Variants in PKHD1 observed in about 807,000 individuals in gnomAD.
The protein encoded by PKHD1 is PKHD1 ciliary IPT domain containing fibrocystin/polyductin.
Under a neutral mutation model 412.0 loss-of-function variants are expected in PKHD1, and 291 were observed. That is an observed-to-expected ratio of 0.71 (90% confidence interval 0.64 to 0.78). The LOEUF (loss-of-function observed/expected upper bound fraction) is 0.78. PKHD1 is among the 30% of genes least tolerant of loss of function. The probability of loss-of-function intolerance (pLI) is 0.00; values close to 1 mark genes in which losing one functional copy is unlikely to be tolerated. For synonymous variants in PKHD1, 1,777 were observed against 1,821.5 expected, an observed-to-expected ratio of 0.98 and a Z score of 0.62; for missense variants, 4,825 against 4,950.7, an observed-to-expected ratio of 0.97 and a Z score of 0.76.
intron 5 of PKHD1, among the ~76,000 whole-genome samples, chr6:52,077,000 G>A (rs1356484312): frequency 1.3e-5 from 2 of 152,188 alleles, no homozygotes; most frequent in African/African-American, 4.8e-5. Flanking sequence ...GAGAAAGCCT[G>A]GCGGTAGCAT....
chr6:51,877,011 CAAAG>C (rs1189723968), intron 46 of PKHD1, among the ~76,000 whole-genome samples: 1 of 35,498 alleles, frequency 2.8e-5, no homozygotes, highest in Non-Finnish European at 4.3e-5. Context: ...TCAAAAGAGA[CAAAG>C]AAGGCCATTA....
rs1790176674 is a variant in PKHD1 at position 51,771,739 on chromosome 6, AAGTTT to A, written c.8642+958_8642+962del. 2.0e-5 allele frequency among the ~76,000 whole-genome samples: 3 copies of A among 152,176 alleles called. No individual in the cohort carries two copies. The South Asian group carries it at 6.2e-4, about 32-fold the overall frequency. On this transcript the variant is annotated intron_variant, in intron 55 of 66. Transcript: ENST00000371117. ...AATTTTATTTCTGTTCCCAAATTTT[AAGTTT>A]AGTTTAATCTCTTTATTTGAACACT...
At chr6:52,073,632 C>T in intron 6 of PKHD1, 91 bp from the exon 7 acceptor site, 1 of 793,584 alleles carries the variant, frequency 1.3e-6, no homozygotes, top group Non-Finnish European at 2.2e-6. Flanking sequence ...TGTATATACT[C>T]AATATGGCAA....
chr6:51,767,041 G>T (rs1407183889), intron 55 of PKHD1, among the ~76,000 whole-genome samples: 1 of 151,904 alleles, frequency 6.6e-6, no homozygotes, highest in African/African-American at 2.4e-5. Flanking sequence ...AAAACATAAA[G>T]TGGGAATCTA....
chr6:51,970,076 T>G (rs1793439204), intron 35 of PKHD1, among the ~76,000 whole-genome samples: 1 of 152,210 alleles, frequency 6.6e-6, no homozygotes, highest in African/African-American at 2.4e-5. Flanking sequence ...ATGCTCCCCT[T>G]TCTCAGCATC....
intron 60 of PKHD1, among the ~76,000 whole-genome samples, chr6:51,671,585 T>G (rs974899958): frequency 1.3e-5 from 2 of 152,226 alleles, no homozygotes; most frequent in South Asian, 4.1e-4. Context: ...GTTCCATTGC[T>G]GGTGAGGAAC....
intron 49 of PKHD1, among the ~76,000 whole-genome samples, chr6:51,855,526 A>G (rs548311860): frequency 6.6e-6 from 1 of 152,234 alleles, no homozygotes; most frequent in South Asian, 2.1e-4. Context: ...CTCTGGCTAC[A>G]AACACTTCTC....
At chr6:51,661,648 T>TA (rs146614405) in intron 60 of PKHD1, among the ~76,000 whole-genome samples, 6,256 of 152,218 alleles carry the variant, frequency 0.041, 450 homozygotes, top group African/African-American at 0.14. Context: ...GGAACAGCGT[T>TA]ATTCATTATT....
chr6:51,703,118 C>T (rs965823675), intron 60 of PKHD1, among the ~76,000 whole-genome samples: 1 of 151,890 alleles, frequency 6.6e-6, no homozygotes, highest in African/African-American at 2.4e-5. Flanking sequence ...GAAAGTGCTA[C>T]ATAAACAAAG....
intron 52 of PKHD1, among the ~76,000 whole-genome samples, chr6:51,814,855 C>T (rs1239366437): frequency 1.3e-5 from 2 of 152,140 alleles, no homozygotes; most frequent in Non-Finnish European, 1.5e-5. Context: ...AGGAACGAAC[C>T]CACCCCCTCC....
chr6:51,797,495 C>T (rs2397066), intron 52 of PKHD1, among the ~76,000 whole-genome samples: 89,788 of 151,900 alleles, frequency 0.59, 27,195 homozygotes, highest in East Asian at 0.83. Context: ...GTATTGGGTG[C>T]ATATATATTT....
At chr6:51,932,544 A>C (rs1004625990) in intron 37 of PKHD1, among the ~76,000 whole-genome samples, 2 of 152,210 alleles carry the variant, frequency 1.3e-5, no homozygotes, top group Admixed American at 6.5e-5. Context: ...AAAAAGCAAC[A>C]TATTGGGTTA....
rs1169783463 is a variant in PKHD1, at chr6:52,024,746, T to G, written c.5064A>C (p.Gly1688=). ...SGAANIDIFI[G]MSPCVGVSGN... ...CAGAGACACCCACACAGGGTGACAT[T>G]CCTATAAAAATGTCAATGTTTGCAG... The change falls in exon 32 of 67, where the codon GGA becomes GGC. Residue 1688 remains glycine (G), a synonymous_variant. Transcript: ENST00000371117. The G allele has an allele frequency of 1.2e-6, 2 of 1,614,108 alleles. No homozygotes were observed. Among genetic ancestry groups the G allele is most frequent in the Non-Finnish European group, 1.7e-6 (2 of 1,180,032 alleles).
chr6:51,828,983 A>T (rs11760048), intron 52 of PKHD1, among the ~76,000 whole-genome samples: 5,749 of 152,172 alleles, frequency 0.038, 161 homozygotes, highest in Non-Finnish European at 0.063. Context: ...ATGAGCAAGG[A>T]TTTTATTTTT....
intron 40 of PKHD1, among the ~76,000 whole-genome samples, chr6:51,906,983 G>A (rs1018526): frequency 0.053 from 8,116 of 152,116 alleles, 455 homozygotes; most frequent in African/African-American, 0.13. Context: ...ATCTGGTTAC[G>A]AGGCCTAGAT....
chr6:51,797,119 T>G (rs1794740122), intron 52 of PKHD1, among the ~76,000 whole-genome samples: 1 of 152,176 alleles, frequency 6.6e-6, no homozygotes, highest in South Asian at 2.1e-4. Flanking sequence ...TGGCCTTGAA[T>G]AGATTTCTTA....
At chr6:51,886,193 G>C (rs944653772) in intron 44 of PKHD1, among the ~76,000 whole-genome samples, 1 of 152,108 alleles carries the variant, frequency 6.6e-6, no homozygotes, top group Non-Finnish European at 1.5e-5. Context: ...TTACTCCAGA[G>C]CCCAAGCCTA....
chr6:51,999,936 A>G (rs1230360876), intron 35 of PKHD1, among the ~76,000 whole-genome samples: 1 of 152,118 alleles, frequency 6.6e-6, no homozygotes, highest in African/African-American at 2.4e-5. Flanking sequence ...ACTGAAACCC[A>G]TTCAACTACT....
chr6:52,017,567 TG>T lies in PKHD1; in HGVS notation c.5442del (p.His1814GlnfsTer8). 6.2e-7 allele frequency: 1 copy of T among 1,614,082 alleles called. No individual in the cohort carries two copies. The highest frequency in any genetic ancestry group is 2.2e-5 in the East Asian group (1 of 44,888). ...ACTGTCAAATCACACTGCACATAGG[TG>T]TGTCTGGCAGCCTCACAGCTGTCCT... ...REEDSCEAAR[H>X]TYVQCDLTVA... On this transcript the variant is annotated frameshift_variant, in exon 34 of 67. Coordinates refer to ENST00000371117, the MANE Select transcript of PKHD1 (RefSeq NM_138694.4). LOFTEE classifies it high-confidence loss of function.
Sources: gnomAD v4.1 joint callset for allele counts (sites outside exome capture counted in the v4.1 genomes callset) on GRCh38, gnomAD v4.1.1 for gene constraint, MANE v1.5 for transcripts, NCBI Gene and HGNC (gene_info 2026-07-23, HGNC 2026-07-21) for gene names.